The following PLEKHM2 variants were observed in gnomAD, a reference collection of about 807,000 sequenced individuals.
The protein encoded by PLEKHM2 is pleckstrin homology and RUN domain containing M2.
In PLEKHM2, 77 loss-of-function variants were observed where a neutral mutation model predicts 116.3. That is an observed-to-expected ratio of 0.66 (90% CI 0.55 to 0.80). PLEKHM2 has a LOEUF of 0.80. Ranked by LOEUF, PLEKHM2 falls within the 30% of genes least tolerant of loss-of-function variation. The pLI, the probability that PLEKHM2 is intolerant of heterozygous loss-of-function variation, is 0.00. For missense variants in PLEKHM2, 1,183 were observed against 1,354.9 expected, an observed-to-expected ratio of 0.87 and a Z score of 1.99; for synonymous variants, 562 against 571.0, an observed-to-expected ratio of 0.98 and a Z score of 0.22.
intron 1 of PLEKHM2, among the ~76,000 whole-genome samples, chr1:15,693,192 C>T (rs1325134483): frequency 6.6e-6 from 1 of 151,086 alleles, no homozygotes; most frequent in Non-Finnish European, 1.5e-5. Flanking sequence ...AGGTGCCCAC[C>T]ACCACACCTG....
chr1:15,721,912 T>A lies in PLEKHM2; in HGVS notation c.712+524T>A, dbSNP rs1353222806. Among the ~76,000 whole-genome samples, 1 of 152,154 alleles carries A rather than the reference T, an allele frequency of 6.6e-6. No individual in the cohort carries two copies. Among genetic ancestry groups the A allele is most frequent in the Non-Finnish European group, 1.5e-5 (1 of 68,032 alleles). Reference sequence around the variant, plus strand: ...CAGCTGAAACTTCCTACAGACAGAATCTCTTTGAAGCTTTAAAGCAGATTA... The same window carrying A: ...CAGCTGAAACTTCCTACAGACAGAAACTCTTTGAAGCTTTAAAGCAGATTA... On this transcript the variant is annotated intron_variant, in intron 7 of 19. Coordinates refer to ENST00000375799, the MANE Select transcript of PLEKHM2 (RefSeq NM_015164.4). This position sits in a 1 kb window ranked among gnomAD's most constrained non-coding sequence, Gnocchi z 5.1.
upstream of PLEKHM2, among the ~76,000 whole-genome samples, chr1:15,683,454 G>C (rs916459401): frequency 2.6e-5 from 4 of 151,950 alleles, no homozygotes; most frequent in African/African-American, 9.7e-5. Context: ...GCCGGCGGGA[G>C]GGGGCCCAGG....
At chr1:15,705,170 C>CTT (rs71306988) in intron 1 of PLEKHM2, among the ~76,000 whole-genome samples, 53 of 74,070 alleles carry the variant, frequency 7.2e-4, no homozygotes, top group African/African-American at 8.2e-4. Context: ...ACGTAGATAT[C>CTT]TTTTTTTTTT....
intron 1 of PLEKHM2, among the ~76,000 whole-genome samples, chr1:15,697,925 T>A (rs1641032489): frequency 1.3e-5 from 2 of 152,152 alleles, no homozygotes; most frequent in African/African-American, 4.8e-5. Context: ...GCAGAAGGAC[T>A]AATGAGCAGT....
At position 15,717,464 on chromosome 1, in the gene PLEKHM2, A is replaced by G. The variant is rs915645717; in HGVS notation, c.278-429A>G. 2.6e-5 allele frequency among the ~76,000 whole-genome samples: 4 copies of G among 152,324 alleles called. No homozygotes were observed. In the East Asian group the frequency reaches 5.8e-4, roughly 22 times the overall value. On this transcript the variant is annotated intron_variant, in intron 3 of 19. Transcript: ENST00000375799. ...AATTTATAAAATGCCAGCCCCCTCC[A>G]TGAGGCCTCTTTTCTCCCCACATAT... is the stretch of plus-strand genomic sequence containing the variant.
At chr1:15,723,882 C>T (rs148270925) in intron 7 of PLEKHM2, among the ~76,000 whole-genome samples, 2 of 152,324 alleles carry the variant, frequency 1.3e-5, no homozygotes, top group South Asian at 2.1e-4. Flanking sequence ...TCTTTTCTTC[C>T]GGGCAGACAG....
rs757546145 is a variant in PLEKHM2, at chr1:15,731,892, G to A, written c.2469G>A (p.Gly823=). 2 of 1,610,494 alleles carry A rather than the reference G, an allele frequency of 1.2e-6. No homozygotes were observed. Among genetic ancestry groups the A allele is most frequent in the South Asian group, 1.1e-5 (1 of 90,702 alleles). Residue 823 remains glycine (G), a synonymous_variant, in exon 17 of 20, where the codon GGG becomes GGA. Transcript: ENST00000375799. The stretch of plus-strand genomic sequence containing the variant: ...TCACCCTCCTCCTCTGGCCCAGGGG[G>A]GAGCAGTGCGGTGGCTGCCGGAGAG... ...VIPLLSVNMG[G]EQCGGCRRAN... is the part of the protein sequence containing the mutation.
At position 15,727,565 on chromosome 1, in the gene PLEKHM2, A is replaced by T; in HGVS notation, c.1493A>T (p.Glu498Val). The T allele has an allele frequency of 6.3e-7, 1 of 1,575,506 alleles. No homozygotes were observed. The highest frequency in any genetic ancestry group is 8.6e-7 in the Non-Finnish European group (1 of 1,161,186). Residue 498 changes from glutamate (E) to valine (V), a missense_variant, in exon 9 of 20, where the codon GAG (glutamate) becomes GTG (valine). Physicochemically the swap from Glu to Val is moderately radical, Grantham distance 121. This residue lies in a region of PLEKHM2 where 594 missense variants were observed against 720.1 expected (regional missense o/e 0.82). Coordinates refer to ENST00000375799, the MANE Select transcript of PLEKHM2 (RefSeq NM_015164.4). The surrounding 1 kb of genome is among the most constrained non-coding windows in gnomAD (Gnocchi z 7.5). ...CCGCTGCATGTTCCTAGTAGCCCTG[A>T]GGCTGCTGGCCAAGAAGAAGAGGGA... is the stretch of plus-strand genomic sequence containing the variant. Reference protein sequence around the residue: ...GQPLHVPSSPEAAGQEEEGGG... With the variant: ...GQPLHVPSSPVAAGQEEEGGG...
intron 1 of PLEKHM2, among the ~76,000 whole-genome samples, chr1:15,712,904 G>A (rs1490287305): frequency 1.3e-5 from 2 of 152,004 alleles, no homozygotes; most frequent in South Asian, 2.1e-4. Flanking sequence ...AGGGTCAAGC[G>A]ATTCTCCTGC....
intron 1 of PLEKHM2, among the ~76,000 whole-genome samples, chr1:15,714,176 G>T (rs745672510): frequency 6.6e-6 from 1 of 151,730 alleles, no homozygotes. Context: ...TCCTGACCTC[G>T]TGATCCACCC....
At chr1:15,700,570 T>TTCTCCC (rs2148340232) in intron 1 of PLEKHM2, among the ~76,000 whole-genome samples, 1 of 152,324 alleles carries the variant, frequency 6.6e-6, no homozygotes, top group East Asian at 1.9e-4. Flanking sequence ...CACTGATAAC[T>TTCTCCC]TCTCCCTCTC....
At position 15,726,983 on chromosome 1, in the gene PLEKHM2, G is replaced by A. The variant is rs1405008435; in HGVS notation, c.942-31G>A. The A allele has an allele frequency of 3.5e-6, 5 of 1,414,346 alleles. No homozygotes were observed. The South Asian group carries it at 6.1e-5, about 17-fold the overall frequency. The allele number at this position is 1,414,346 out of a possible 1,614,324, so 87.6% of individuals were successfully genotyped here. On this transcript the variant is annotated intron_variant, in intron 8 of 19. Coordinates refer to ENST00000375799, the MANE Select transcript of PLEKHM2 (RefSeq NM_015164.4). The stretch of plus-strand genomic sequence containing the variant: ...TTCCTCAGCACTGGACTACTCAGGG[G>A]TTAACACTCTCCCCGTCGTTACTGT...
chr1:15,727,385 G>A lies in PLEKHM2; in HGVS notation c.1313G>A (p.Arg438Gln), dbSNP rs370277036. The change falls in exon 9 of 20, where the codon CGG becomes CAG. Residue 438 changes from arginine (R) to glutamine (Q), a missense_variant. Arg to Gln is a conservative substitution (Grantham distance 43). This residue lies in a region of PLEKHM2 where 372 missense variants were observed against 357.2 expected (regional missense o/e 1.04). Coordinates refer to ENST00000375799, the MANE Select transcript of PLEKHM2 (RefSeq NM_015164.4). The surrounding 1 kb of genome is among the most constrained non-coding windows in gnomAD (Gnocchi z 7.5). ...GCTGAGCCCCCAGACCAGTCCTTTC[G>A]GACCGGCTCTCCCGGGGATGCCCCG... ...SRAEPPDQSF[R>Q]TGSPGDAPER... 42 of 1,602,652 alleles carry A rather than the reference G, an allele frequency of 2.6e-5. No homozygotes were observed. The highest frequency in any genetic ancestry group is 1.7e-4 in the African/African-American group (13 of 74,690).
chr1:15,710,703 G>A (rs748451504), intron 1 of PLEKHM2, among the ~76,000 whole-genome samples: 2 of 152,196 alleles, frequency 1.3e-5, no homozygotes, highest in East Asian at 1.9e-4. Context: ...GCTGAATAAA[G>A]TGAAAATTTT....
chr1:15,713,582 G>T (rs1641377866), intron 1 of PLEKHM2, among the ~76,000 whole-genome samples: 1 of 151,874 alleles, frequency 6.6e-6, no homozygotes, highest in Admixed American at 6.6e-5. Flanking sequence ...TTTCCATGTG[G>T]GAATTATAAT....
Position 15,725,414 on chromosome 1 carries a change from C to A in PLEKHM2, c.810C>A (p.Asn270Lys), listed in dbSNP as rs750686751. 1 of 1,555,522 alleles carries A rather than the reference C, an allele frequency of 6.4e-7. No individual in the cohort carries two copies. Among genetic ancestry groups the A allele is most frequent in the South Asian group, 1.2e-5 (1 of 84,274 alleles). The change falls in exon 8 of 20, where the codon AAC becomes AAA. Residue 270 changes from asparagine to lysine, a missense_variant. This residue lies in a region of PLEKHM2 where 372 missense variants were observed against 357.2 expected (regional missense o/e 1.04). Transcript: ENST00000375799. ...ASTRSPTQRQ[N>K]PFNEEPAETV... ...CCAGGAGCCCCACCCAGCGCCAGAACCCCTTCAACGAGGAGCCGGCAGAGA... is the reference window on the plus strand; with the variant it reads ...CCAGGAGCCCCACCCAGCGCCAGAAACCCTTCAACGAGGAGCCGGCAGAGA...
In PLEKHM2 at chr1:15,707,564, C is replaced by T. The variant is rs956107286; in HGVS notation, c.61-8673C>T. Among the ~76,000 whole-genome samples the T allele has an allele frequency of 3.9e-5, 6 of 152,326 alleles. 1 individual carries two copies. The highest frequency in any genetic ancestry group is 4.1e-4 in the South Asian group (2 of 4,830). On this transcript the variant is annotated intron_variant, in intron 1 of 19. Transcript: ENST00000375799. ...CTAGCCACCCTGCCCTAGACTCCCA[C>T]GAATTCTGAGATTTTCTGCCTTTCC...
At chr1:15,706,822 A>G (rs1025660371) in intron 1 of PLEKHM2, among the ~76,000 whole-genome samples, 6 of 152,116 alleles carry the variant, frequency 3.9e-5, no homozygotes, top group Non-Finnish European at 5.9e-5. Flanking sequence ...CATTTGCACT[A>G]ATTTATCTCT....
rs1301362266 is a variant in PLEKHM2 at position 15,728,190 on chromosome 1, G to A, written c.1830+42G>A. On this transcript the variant is annotated intron_variant, in intron 10 of 19. Transcript: ENST00000375799. This position sits in a 1 kb window ranked among gnomAD's most constrained non-coding sequence, Gnocchi z 5.9. ...CAGGAGTGAGCAAGAGACGGCAAGGGCAAGGCGGGATGGGCCACCGCCCCC... is the reference window on the plus strand; with the variant it reads ...CAGGAGTGAGCAAGAGACGGCAAGGACAAGGCGGGATGGGCCACCGCCCCC... 1 of 1,604,996 alleles carries A rather than the reference G, an allele frequency of 6.2e-7. No homozygotes were observed.
Sources: allele counts gnomAD v4.1 joint callset (sites outside exome capture counted in the v4.1 genomes callset), GRCh38; gene constraint gnomAD v4.1.1; regional missense constraint gnomAD v4.1.1; non-coding constraint Gnocchi (gnomAD v3.1); transcripts MANE v1.5; gene names NCBI Gene and HGNC (gene_info 2026-07-23, HGNC 2026-07-21).